The following DDR2 variants were observed in gnomAD, a reference collection of about 807,000 sequenced individuals.
The protein encoded by DDR2 is discoidin domain-containing receptor 2.
In DDR2, 27 loss-of-function variants were observed where a neutral mutation model predicts 94.9. The observed-to-expected ratio is 0.28, with a 90% CI of 0.21 to 0.39. The LOEUF (loss-of-function observed/expected upper bound fraction) is 0.39. Ranked by LOEUF, DDR2 falls within the 10% of genes least tolerant of loss-of-function variation. The pLI is 1.00. For missense variants in DDR2, 783 were observed against 1,076.0 expected (o/e 0.73, Z 3.81); for synonymous variants, 382 against 377.2 (o/e 1.01, Z -0.15).
intron 2 of DDR2, among the ~76,000 whole-genome samples, chr1:162,657,987 G>A (rs1194810884): frequency 6.6e-6 from 1 of 151,966 alleles, no homozygotes; most frequent in Non-Finnish European, 1.5e-5. Context: ...CATTCACAGT[G>A]TCTTCCTTTC....
At chr1:162,764,218 T>A (rs749711486) in intron 9 of DDR2, among the ~76,000 whole-genome samples, 12 of 152,170 alleles carry the variant, frequency 7.9e-5, no homozygotes, top group South Asian at 4.1e-4. Flanking sequence ...TTTCAACCTT[T>A]AGGGATTCCT....
At chr1:162,757,494 G>A (rs1314190892) in intron 7 of DDR2, among the ~76,000 whole-genome samples, 1 of 152,224 alleles carries the variant, frequency 6.6e-6, no homozygotes, top group Non-Finnish European at 1.5e-5. Context: ...TGGCAAAGTA[G>A]TGCAGGAGAA....
At chr1:162,692,489 GAA>G (rs1052171784) in intron 2 of DDR2, among the ~76,000 whole-genome samples, 1 of 152,114 alleles carries the variant, frequency 6.6e-6, no homozygotes, top group East Asian at 1.9e-4. Flanking sequence ...CAAGAAAAGG[GAA>G]AAGAGACCAG....
Position 162,782,201 on chromosome 1 carries a change from G to C in DDR2, c.*1955G>C, listed in dbSNP as rs1447574405. The C allele has an allele frequency of 6.6e-6, 1 of 152,066 alleles. No homozygotes were observed. Among genetic ancestry groups the C allele is most frequent in the Non-Finnish European group, 1.5e-5 (1 of 68,014 alleles). 9.4% of individuals were successfully genotyped at this position (152,066 alleles called of 1,614,324 possible). A position where few individuals can be genotyped will look rare whatever the true frequency, so the allele number is the denominator to read the frequency against. On this transcript the variant is annotated 3_prime_UTR_variant, in exon 18 of 18. Transcript: ENST00000367921. Reference sequence around the variant, plus strand: ...GTGTGTCATCTTGGCTAAATCACTTGGTCTTTCTGCATTTTGTTTTCTTAT... The same window carrying C: ...GTGTGTCATCTTGGCTAAATCACTTCGTCTTTCTGCATTTTGTTTTCTTAT...
intron 2 of DDR2, among the ~76,000 whole-genome samples, chr1:162,716,625 C>T (rs1222783960): frequency 2.6e-5 from 4 of 152,140 alleles, no homozygotes; most frequent in Admixed American, 2.0e-4. Context: ...CCCTCAGCCC[C>T]TCACTATGGG....
chr1:162,658,183 C>T (rs779767675), intron 2 of DDR2, among the ~76,000 whole-genome samples: 21 of 152,144 alleles, frequency 1.4e-4, no homozygotes, highest in Non-Finnish European at 2.9e-4. Flanking sequence ...TCTCGCAAGT[C>T]TCTGGTCGGA....
intron 3 of DDR2, among the ~76,000 whole-genome samples, chr1:162,737,175 T>C (rs1662345406): frequency 6.7e-6 from 1 of 149,694 alleles, no homozygotes; most frequent in South Asian, 2.1e-4. Context: ...TTTTTTATTA[T>C]ACTTTAAGTT....
chr1:162,708,707 C>T (rs1025366881), intron 2 of DDR2, among the ~76,000 whole-genome samples: 2 of 152,188 alleles, frequency 1.3e-5, no homozygotes, highest in Non-Finnish European at 2.9e-5. Context: ...GGCAGCATCA[C>T]TCACAGGATG....
intron 3 of DDR2, among the ~76,000 whole-genome samples, chr1:162,727,606 C>T (rs1005316567): frequency 6.7e-6 from 1 of 148,840 alleles, no homozygotes; most frequent in African/African-American, 2.4e-5. Flanking sequence ...CTTTTTCCCC[C>T]TCCCTCTTCT....
At position 162,775,341 on chromosome 1, in the gene DDR2, C is replaced by A. The variant is rs146184855; in HGVS notation, c.1857-311C>A. Among the ~76,000 whole-genome samples, 157 of 151,872 alleles carry A rather than the reference C, an allele frequency of 1.0e-3. 2 individuals are homozygous for A. The highest frequency in any genetic ancestry group is 3.2e-3 in the African/African-American group (133 of 41,424). ...TACTCTGTAGAGTGGTTTTTAGCAG[C>A]CTATTTTTGATTCAGCAAATATTAA... On this transcript the variant is annotated intron_variant, in intron 14 of 17. Transcript: ENST00000367921.
intron 3 of DDR2, among the ~76,000 whole-genome samples, chr1:162,737,181 A>G (rs1662345904): frequency 7.6e-6 from 1 of 130,940 alleles, no homozygotes; most frequent in Non-Finnish European, 1.6e-5. Context: ...ATTATACTTT[A>G]AGTTTTAGGG....
intron 3 of DDR2, among the ~76,000 whole-genome samples, chr1:162,724,925 T>C (rs1661586176): frequency 1.3e-5 from 2 of 152,186 alleles, no homozygotes; most frequent in African/African-American, 4.8e-5. Context: ...GTGTGTTTGT[T>C]TTTTAAGTCT....
At position 162,785,307 on chromosome 1, in the gene DDR2, T is replaced by G. The variant is rs1648105193; in HGVS notation, c.*5061T>G. The stretch of plus-strand genomic sequence containing the variant: ...ATTTCAGTCAAGAGTTAGTTGGCAC[T>G]TAGTTAATGGCACTGGAAATAGCTT... On this transcript the variant is annotated 3_prime_UTR_variant, in exon 18 of 18. Transcript: ENST00000367921. The G allele has an allele frequency of 6.6e-6, 1 of 152,178 alleles. No individual in the cohort carries two copies. Among genetic ancestry groups the G allele is most frequent in the Admixed American group, 6.5e-5 (1 of 15,280 alleles). 9.4% of individuals were successfully genotyped at this position (152,178 alleles called of 1,614,324 possible). A position where few individuals can be genotyped will look rare whatever the true frequency, so the allele number is the denominator to read the frequency against.
At chr1:162,725,350 CA>C (rs1379940268) in intron 3 of DDR2, among the ~76,000 whole-genome samples, 1 of 152,074 alleles carries the variant, frequency 6.6e-6, no homozygotes, top group African/African-American at 2.4e-5. Flanking sequence ...AAATTTCCAA[CA>C]ATGTATCAGT....
intron 1 of DDR2, among the ~76,000 whole-genome samples, chr1:162,638,935 T>A (rs2101885181): frequency 6.6e-6 from 1 of 152,280 alleles, no homozygotes. Context: ...GTTTTGTGGA[T>A]ATCAACGAAC....
At chr1:162,671,114 A>G (rs1276165058) in intron 2 of DDR2, among the ~76,000 whole-genome samples, 2 of 152,142 alleles carry the variant, frequency 1.3e-5, no homozygotes, top group African/African-American at 2.4e-5. Context: ...ATGTGAACCT[A>G]TCACGTGGGA....
intron 8 of DDR2, among the ~76,000 whole-genome samples, chr1:162,760,394 CTA>C (rs970458195): frequency 5.5e-5 from 8 of 145,056 alleles, no homozygotes; most frequent in African/African-American, 1.0e-4. Context: ...ACACACACAA[CTA>C]TATATATATA....
At chr1:162,679,526 CTA>C (rs1382430592) in intron 2 of DDR2, among the ~76,000 whole-genome samples, 8 of 152,132 alleles carry the variant, frequency 5.3e-5, no homozygotes, top group African/African-American at 1.9e-4. Flanking sequence ...TGTGTATGTA[CTA>C]TGTTTTCTTT....
intron 1 of DDR2, among the ~76,000 whole-genome samples, chr1:162,648,998 C>T (rs879888051): frequency 5.9e-5 from 9 of 152,012 alleles, no homozygotes; most frequent in Non-Finnish European, 1.0e-4. Context: ...TCACCACTCC[C>T]CAACCTTATC....
Sources: allele counts gnomAD v4.1 joint callset (sites outside exome capture counted in the v4.1 genomes callset), GRCh38; gene constraint gnomAD v4.1.1; transcripts MANE v1.5; gene names NCBI Gene and HGNC (gene_info 2026-07-23, HGNC 2026-07-21).